Variants in TBC1D1 observed in about 807,000 individuals in gnomAD.
The protein encoded by TBC1D1 is TBC1 (tre-2/USP6, BUB2, cdc16) domain family, member 1.
In TBC1D1, 89 loss-of-function variants were observed where a neutral mutation model predicts 125.6. That is an observed-to-expected ratio of 0.71 (90% CI 0.60 to 0.85). The LOEUF (loss-of-function observed/expected upper bound fraction) is 0.85, where lower values mean the gene tolerates loss of function less well. Among genes scored for constraint, TBC1D1 ranks in the 40% least tolerant of loss-of-function variants. The pLI is 0.00. For synonymous variants in TBC1D1, 565 were observed against 564.1 expected, an observed-to-expected ratio of 1.00 and a Z score of -0.02; for missense variants, 1,377 against 1,469.2, an observed-to-expected ratio of 0.94 and a Z score of 1.03.
intron 12 of TBC1D1, among the ~76,000 whole-genome samples, chr4:38,087,854 A>G (rs1252658316): frequency 6.2e-5 from 8 of 128,794 alleles, no homozygotes; most frequent in African/African-American, 2.5e-4. Context: ...TCAAAAAAAA[A>G]AAAAAAAAGA....
intron 1 of TBC1D1, among the ~76,000 whole-genome samples, chr4:37,899,788 A>G (rs1715441776): frequency 6.6e-6 from 1 of 152,214 alleles, no homozygotes; most frequent in African/African-American, 2.4e-5. Flanking sequence ...GTGGAAAGAA[A>G]CAACCAGAAA....
Position 38,095,965 on chromosome 4 carries a change from T to G in TBC1D1, c.2273T>G (p.Leu758Arg). ...GATTTGCTGAACAAGCGCCTGAAGC[T>G]CGATTATGAAGAAATTACTCCCTGT... The change falls in exon 14 of 20, where the codon CTC (leucine) becomes CGC (arginine). Residue 758 changes from leucine (L) to arginine (R), a missense_variant. Leu to Arg is a moderately radical substitution (Grantham distance 102). This residue lies in a region of TBC1D1 where 543 missense variants were observed against 613.5 expected (regional missense o/e 0.89). Transcript: ENST00000261439. The G allele has an allele frequency of 6.2e-7, 1 of 1,614,016 alleles. No individual in the cohort carries two copies. The highest frequency in any genetic ancestry group is 8.5e-7 in the Non-Finnish European group (1 of 1,179,956).
intron 2 of TBC1D1, among the ~76,000 whole-genome samples, chr4:37,959,379 T>G (rs1021398943): frequency 2.6e-5 from 4 of 152,222 alleles, no homozygotes; most frequent in Admixed American, 6.5e-5. Context: ...ACATATTGCA[T>G]TATTCATTAA....
chr4:38,107,577 G>GTTTTTTTTTTTTTTTTTTTTTTT, intron 15 of TBC1D1, among the ~76,000 whole-genome samples: 2 of 53,104 alleles, frequency 3.8e-5, no homozygotes, highest in Non-Finnish European at 6.3e-5. Context: ...GTCTAAACAG[G>GTTTTTTTTTTTTTTTTTTTTTTT]TTTTTTTTTT....
intron 15 of TBC1D1, among the ~76,000 whole-genome samples, chr4:38,115,225 C>T (rs1031893633): frequency 1.3e-5 from 2 of 151,796 alleles, no homozygotes; most frequent in Non-Finnish European, 2.9e-5. Context: ...CTCAGCCTCC[C>T]GAGTAGCTGG....
At chr4:38,030,954 G>GC (rs1416711784) in intron 7 of TBC1D1, among the ~76,000 whole-genome samples, 17 of 152,332 alleles carry the variant, frequency 1.1e-4, no homozygotes, top group African/African-American at 3.8e-4. Context: ...TATCTCTACT[G>GC]TAAACAAGCT....
At chr4:38,104,794 C>T (rs893645541) in intron 15 of TBC1D1, among the ~76,000 whole-genome samples, 3 of 149,726 alleles carry the variant, frequency 2.0e-5, no homozygotes, top group Admixed American at 6.7e-5. Flanking sequence ...CTCGCTCTGT[C>T]GCCCAGGCTA....
intron 12 of TBC1D1, among the ~76,000 whole-genome samples, chr4:38,062,253 C>T (rs947506641): frequency 6.6e-6 from 1 of 151,208 alleles, no homozygotes; most frequent in South Asian, 2.1e-4. Flanking sequence ...TTTCCAATCC[C>T]GGAAAAGTGT....
rs147669766 is a variant in TBC1D1, at chr4:37,941,653, G to A, written c.417+39141G>A. ...TTAGATCTTTCCTGCTTTCTCTTGT[G>A]GGCATTTAGTGCTATACATTTCCCT... On this transcript the variant is annotated intron_variant, in intron 2 of 19. Coordinates refer to ENST00000261439, the MANE Select transcript of TBC1D1 (RefSeq NM_015173.4). Among the ~76,000 whole-genome samples the A allele has an allele frequency of 9.6e-3, 1,459 of 152,230 alleles. 22 individuals carry two copies. Among genetic ancestry groups the A allele is most frequent in the African/African-American group, 0.033 (1,387 of 41,526 alleles).
intron 2 of TBC1D1, among the ~76,000 whole-genome samples, chr4:37,926,592 C>T (rs1318062418): frequency 2.0e-5 from 3 of 152,210 alleles, no homozygotes; most frequent in African/African-American, 7.2e-5. Context: ...GGTGATGCGG[C>T]CCCACTTCTA....
chr4:37,960,716 C>A, intron 2 of TBC1D1: 1 of 1,614,140 alleles, frequency 6.2e-7, no homozygotes, highest in Non-Finnish European at 8.5e-7. Flanking sequence ...AAAAGATGAC[C>A]GAGAAGACTG....
At chr4:38,013,880 A>G (rs1230843329) in intron 2 of TBC1D1, among the ~76,000 whole-genome samples, 2 of 152,182 alleles carry the variant, frequency 1.3e-5, no homozygotes, top group Non-Finnish European at 2.9e-5. Flanking sequence ...AAAACCTCCT[A>G]GCTTTGTTGA....
At chr4:37,952,082 C>T (rs1477540818) in intron 2 of TBC1D1, 3 of 717,282 alleles carry the variant, frequency 4.2e-6, no homozygotes, top group African/African-American at 3.5e-5. Context: ...TGGAAAGCAA[C>T]AGTGAACCAC....
intron 10 of TBC1D1, among the ~76,000 whole-genome samples, chr4:38,046,321 A>G (rs550516919): frequency 1.3e-5 from 2 of 152,074 alleles, no homozygotes; most frequent in South Asian, 2.1e-4. Flanking sequence ...GCAGTGAGCC[A>G]AGATCACGCC....
At chr4:38,010,929 G>A (rs1038114390) in intron 2 of TBC1D1, among the ~76,000 whole-genome samples, 12 of 152,174 alleles carry the variant, frequency 7.9e-5, no homozygotes, top group Non-Finnish European at 1.5e-4. Flanking sequence ...CTAGAAAAAT[G>A]TATAGAAATA....
rs34900699 is a variant in TBC1D1, at chr4:37,916,359, C to CATAT, written c.417+13855_417+13858dup. ...GTGTGTGTATATATGTGTATATATA[C>CATAT]ATATATATATACATATACTTTAAAC... On this transcript the variant is annotated intron_variant, in intron 2 of 19. Coordinates refer to ENST00000261439, the MANE Select transcript of TBC1D1 (RefSeq NM_015173.4). Among the ~76,000 whole-genome samples, 10 of 150,520 alleles carry CATAT rather than the reference C, an allele frequency of 6.6e-5. No individual in the cohort carries two copies. The South Asian group carries it at 1.9e-3, about 28-fold the overall frequency.
intron 2 of TBC1D1, among the ~76,000 whole-genome samples, chr4:37,941,575 G>A (rs1013509901): frequency 2.6e-5 from 4 of 152,146 alleles, no homozygotes; most frequent in South Asian, 4.1e-4. Context: ...GCTTTTGAAT[G>A]TATTTGCTCT....
intron 2 of TBC1D1, among the ~76,000 whole-genome samples, chr4:37,984,937 T>C (rs1210821289): frequency 6.6e-6 from 1 of 152,090 alleles, no homozygotes; most frequent in African/African-American, 2.4e-5. Context: ...GGAAGACCTT[T>C]ATTTGGTTAT....
intron 2 of TBC1D1, among the ~76,000 whole-genome samples, chr4:38,001,875 T>C (rs186290032): frequency 6.6e-6 from 1 of 152,356 alleles, no homozygotes; most frequent in Non-Finnish European, 1.5e-5. Flanking sequence ...TTGTTAAATA[T>C]GGCAGTAAGC....
Sources: gnomAD v4.1 joint callset for allele counts (sites outside exome capture counted in the v4.1 genomes callset) on GRCh38, gnomAD v4.1.1 for gene constraint, gnomAD v4.1.1 regional missense constraint, MANE v1.5 for transcripts, NCBI Gene and HGNC (gene_info 2026-07-23, HGNC 2026-07-21) for gene names.